MRTFA: variants seen among roughly 807,000 people sequenced by gnomAD.
MRTFA encodes the protein myocardin-related transcription factor A.
MRTFA carries 20 observed loss-of-function variants against 83.5 expected under a neutral mutation model. That is an observed-to-expected ratio of 0.24 (90% confidence interval 0.17 to 0.35). MRTFA has a LOEUF of 0.35. MRTFA is among the 10% of genes least tolerant of loss of function. The pLI is 1.00. For missense variants in MRTFA, 1,200 were observed against 1,224.7 expected, an observed-to-expected ratio of 0.98 and a Z score of 0.30; for synonymous variants, 659 against 541.2, an observed-to-expected ratio of 1.22 and a Z score of -3.02.
intron 2 of MRTFA, among the ~76,000 whole-genome samples, chr22:40,566,270 G>A (rs933168664): frequency 6.6e-6 from 1 of 151,558 alleles, no homozygotes; most frequent in Non-Finnish European, 1.5e-5. Context: ...GCCCAGGCTG[G>A]AGTGCAGTGG....
chr22:40,592,005 A>G (rs1014995676), intron 2 of MRTFA, among the ~76,000 whole-genome samples: 2 of 152,202 alleles, frequency 1.3e-5, no homozygotes. Context: ...ATCACCTAGG[A>G]AAGAGCTGAA....
At chr22:40,480,613 G>A (rs773425083) in intron 3 of MRTFA, among the ~76,000 whole-genome samples, 3 of 152,018 alleles carry the variant, frequency 2.0e-5, no homozygotes, top group Non-Finnish European at 4.4e-5. Context: ...AATTCCAAAA[G>A]GAATCGAGAT....
intron 2 of MRTFA, among the ~76,000 whole-genome samples, chr22:40,558,759 G>GT (rs942279930): frequency 6.7e-6 from 1 of 149,568 alleles, no homozygotes; most frequent in Non-Finnish European, 1.5e-5. Context: ...AAAGTTCTTG[G>GT]TTTTTTGGTT....
chr22:40,525,644 G>A (rs939359920), intron 3 of MRTFA, among the ~76,000 whole-genome samples: 17 of 152,114 alleles, frequency 1.1e-4, no homozygotes, highest in African/African-American at 3.9e-4. Context: ...AGGACACCTA[G>A]GGGTCCTCAG....
chr22:40,518,810 A>AC (rs1569308153), intron 3 of MRTFA, among the ~76,000 whole-genome samples: 2 of 139,128 alleles, frequency 1.4e-5, no homozygotes, highest in African/African-American at 2.6e-5. Context: ...AAAAAAAAAA[A>AC]AAAAAAAAAA....
At chr22:40,570,145 A>C (rs991174022) in intron 2 of MRTFA, among the ~76,000 whole-genome samples, 1 of 152,182 alleles carries the variant, frequency 6.6e-6, no homozygotes, top group Admixed American at 6.5e-5. Context: ...AAAAGAATAC[A>C]TAAGTTTTAG....
At chr22:40,592,421 G>A (rs1276806308) in intron 2 of MRTFA, among the ~76,000 whole-genome samples, 1 of 149,858 alleles carries the variant, frequency 6.7e-6, no homozygotes, top group African/African-American at 2.5e-5. Flanking sequence ...CTGCACTCCA[G>A]CCTGGGTAAT....
intron 1 of MRTFA, among the ~76,000 whole-genome samples, chr22:40,599,202 G>T (rs1332419619): frequency 6.6e-6 from 1 of 151,870 alleles, no homozygotes; most frequent in Non-Finnish European, 1.5e-5. Flanking sequence ...GGAGGCTGAG[G>T]CAGGAGAATC....
chr22:40,466,182 A>T (rs751833227), intron 3 of MRTFA, among the ~76,000 whole-genome samples: 25 of 152,346 alleles, frequency 1.6e-4, no homozygotes, highest in Admixed American at 2.6e-4. Context: ...TACTCTAGGA[A>T]GTTGATTTCA....
intron 2 of MRTFA, 111 bp from the exon 3 acceptor site, chr22:40,552,478 T>C (rs1319753388): frequency 7.7e-6 from 3 of 389,214 alleles, no homozygotes; most frequent in Non-Finnish European, 1.4e-5. Context: ...CTCACACATA[T>C]CATGGGAGGG....
chr22:40,589,239 A>AT (rs1216662620), intron 2 of MRTFA, among the ~76,000 whole-genome samples: 4 of 152,334 alleles, frequency 2.6e-5, no homozygotes, highest in Admixed American at 6.5e-5. Context: ...TATGAGCTAC[A>AT]TTTATATGTT....
intron 5 of MRTFA, among the ~76,000 whole-genome samples, chr22:40,433,808 C>G (rs1340479956): frequency 6.6e-6 from 1 of 152,130 alleles, no homozygotes; most frequent in Non-Finnish European, 1.5e-5. Context: ...CATATCTCAA[C>G]TAAGATAATT....
chr22:40,604,549 C>T (rs945243389), intron 1 of MRTFA, among the ~76,000 whole-genome samples: 2 of 151,842 alleles, frequency 1.3e-5, no homozygotes, highest in African/African-American at 2.4e-5. Context: ...GAGTTTGAGA[C>T]CAGCATGACC....
chr22:40,549,607 TAGTATTTCCTCAC>T (rs2055415056), intron 3 of MRTFA, among the ~76,000 whole-genome samples: 1 of 152,222 alleles, frequency 6.6e-6, no homozygotes, highest in Non-Finnish European at 1.5e-5. Flanking sequence ...TCTGGACTAC[TAGTATTTCCTCAC>T]TAAGCAGTAG....
chr22:40,495,044 T>A (rs56182212), intron 3 of MRTFA, among the ~76,000 whole-genome samples: 13,002 of 151,012 alleles, frequency 0.086, 807 homozygotes, highest in East Asian at 0.25. Flanking sequence ...TTTTTTTTTT[T>A]AAAAAAGCAG....
At chr22:40,468,371 A>G (rs1437365323) in intron 3 of MRTFA, among the ~76,000 whole-genome samples, 2 of 152,166 alleles carry the variant, frequency 1.3e-5, no homozygotes, top group African/African-American at 4.8e-5. Flanking sequence ...GACTTCTACA[A>G]TCAGAAGATA....
chr22:40,633,162 A>G (rs1569361718), intron 1 of MRTFA, among the ~76,000 whole-genome samples: 1 of 152,110 alleles, frequency 6.6e-6, no homozygotes, highest in East Asian at 1.9e-4. Flanking sequence ...TTTCTCAGTA[A>G]AGAAATGTTT....
chr22:40,527,861 A>G (rs1393266360), intron 3 of MRTFA, among the ~76,000 whole-genome samples: 1 of 152,160 alleles, frequency 6.6e-6, no homozygotes, highest in African/African-American at 2.4e-5. Context: ...TGTTTTAATA[A>G]AGCTAAAACT....
chr22:40,600,899 C>T (rs912126325), intron 1 of MRTFA, among the ~76,000 whole-genome samples: 1 of 152,106 alleles, frequency 6.6e-6, no homozygotes. Context: ...AGCTTGAACC[C>T]GGAAGGTGGA....
Sources: allele counts gnomAD v4.1 joint callset (sites outside exome capture counted in the v4.1 genomes callset), GRCh38; gene constraint gnomAD v4.1.1; transcripts MANE v1.5; gene names NCBI Gene and HGNC (gene_info 2026-07-23, HGNC 2026-07-21).